Variants in THADA observed in about 807,000 individuals in gnomAD.
THADA encodes the protein tRNA (32-2'-O)-methyltransferase regulator THADA.
A neutral mutation model predicts 219.8 loss-of-function variants in THADA; 213 were observed. The ratio of observed to expected loss-of-function variants is 0.97; its 90% CI spans 0.87 to 1.09. The LOEUF (loss-of-function observed/expected upper bound fraction) is 1.09, where lower values mean the gene tolerates loss of function less well. Among genes scored for constraint, THADA ranks in the 50% least tolerant of loss-of-function variants. The pLI, the probability that THADA is intolerant of heterozygous loss-of-function variation, is 0.00. For synonymous variants in THADA, 1,018 were observed against 828.9 expected, an observed-to-expected ratio of 1.23 and a Z score of -3.92; for missense variants, 2,956 against 2,311.3, an observed-to-expected ratio of 1.28 and a Z score of -5.72.
At chr2:43,334,648 G>A (rs1398125579) in intron 30 of THADA, among the ~76,000 whole-genome samples, 6 of 151,990 alleles carry the variant, frequency 3.9e-5, no homozygotes, top group Admixed American at 6.6e-5. Context: ...GGTGGCGGGC[G>A]CCTGTAGTCC....
intron 28 of THADA, among the ~76,000 whole-genome samples, chr2:43,424,670 T>C (rs1354266395): frequency 2.0e-5 from 3 of 152,230 alleles, no homozygotes; most frequent in Non-Finnish European, 4.4e-5. Context: ...AATCTGTTTA[T>C]AGTTCACCTC....
chr2:43,421,916 AC>A (rs1677768839), intron 28 of THADA, among the ~76,000 whole-genome samples: 1 of 152,198 alleles, frequency 6.6e-6, no homozygotes, highest in South Asian at 2.1e-4. Context: ...AGATCGAAGG[AC>A]CCATAAACAA....
chr2:43,446,255 A>G (rs1275135099), intron 26 of THADA, among the ~76,000 whole-genome samples: 1 of 152,274 alleles, frequency 6.6e-6, no homozygotes, highest in Non-Finnish European at 1.5e-5. Context: ...AAGATGGTCA[A>G]CAAACTTCTA....
At chr2:43,433,861 A>G (rs1396896060) in intron 26 of THADA, among the ~76,000 whole-genome samples, 2 of 151,966 alleles carry the variant, frequency 1.3e-5, no homozygotes, top group African/African-American at 4.8e-5. Context: ...CTAATTTTTC[A>G]TATTTTTAGT....
rs750776107 is a variant in THADA at position 43,428,051 on chromosome 2, G to A, written c.4058+49C>T. On this transcript the variant is annotated intron_variant, in intron 28 of 37. Coordinates refer to ENST00000405975, the MANE Select transcript of THADA (RefSeq NM_022065.5). ...AATAAGAAGAAGATAAAATATTCCC[G>A]TAAAACTCCCACGCCAACCTAGACA... is the stretch of plus-strand genomic sequence containing the variant. 148 of 1,411,506 alleles carry A rather than the reference G, an allele frequency of 1.0e-4. 1 individual carries two copies. The South Asian group carries it at 1.3e-3, about 13-fold the overall frequency. 87.4% of individuals were successfully genotyped at this position (1,411,506 alleles called of 1,614,324 possible). A position where few individuals can be genotyped will look rare whatever the true frequency, so the allele number is the denominator to read the frequency against.
chr2:43,332,434 T>C (rs975344650), intron 30 of THADA, among the ~76,000 whole-genome samples: 1 of 152,262 alleles, frequency 6.6e-6, no homozygotes, highest in Non-Finnish European at 1.5e-5. Flanking sequence ...AATCCATACT[T>C]GTCTTACTTG....
chr2:43,467,006 C>A (rs1684321472), intron 26 of THADA, among the ~76,000 whole-genome samples: 1 of 151,546 alleles, frequency 6.6e-6, no homozygotes, highest in South Asian at 2.1e-4. Flanking sequence ...CACGGTGAAA[C>A]CCCGTCTCTA....
intron 28 of THADA, among the ~76,000 whole-genome samples, chr2:43,414,261 T>C (rs757355595): frequency 9.2e-5 from 14 of 152,228 alleles, no homozygotes; most frequent in Non-Finnish European, 1.8e-4. Context: ...AATTTACCAT[T>C]TTAACCATTT....
At chr2:43,535,759 T>C (rs560348120) in intron 21 of THADA, among the ~76,000 whole-genome samples, 2 of 151,998 alleles carry the variant, frequency 1.3e-5, no homozygotes, top group South Asian at 2.1e-4. Context: ...AGTAGTTTTA[T>C]AGTAGTCTTT....
At chr2:43,548,277 T>TG (rs1696308268) in intron 20 of THADA, among the ~76,000 whole-genome samples, 1 of 152,290 alleles carries the variant, frequency 6.6e-6, no homozygotes, top group South Asian at 2.1e-4. Context: ...CTGCCCCTAC[T>TG]GGGGGGTGCC....
chr2:43,381,402 C>G (rs1672012639), intron 29 of THADA, among the ~76,000 whole-genome samples: 2 of 152,096 alleles, frequency 1.3e-5, no homozygotes, highest in South Asian at 4.1e-4. Context: ...CACCCAGCCT[C>G]AGGAGGTGAA....
Position 43,456,030 on chromosome 2 carries a change from T to C in THADA, c.3837-25728A>G, listed in dbSNP as rs147823829. ...TTGCCAAAAGACTACGCTACAGTGC[T>C]ATTTAACCTTTCCCAACAGAGACTC... On this transcript the variant is annotated intron_variant, in intron 26 of 37. Coordinates refer to ENST00000405975, the MANE Select transcript of THADA (RefSeq NM_022065.5). Among the ~76,000 whole-genome samples, 201 of 152,240 alleles carry C rather than the reference T, an allele frequency of 1.3e-3. 4 individuals carry two copies. In the East Asian group the frequency reaches 0.033, roughly 25 times the overall value.
intron 25 of THADA, among the ~76,000 whole-genome samples, chr2:43,494,987 A>C (rs1449866259): frequency 7.2e-5 from 11 of 152,242 alleles, no homozygotes; most frequent in Non-Finnish European, 1.6e-4. Flanking sequence ...ACTTATCAGG[A>C]AAAACAATCA....
At chr2:43,485,881 AT>A (rs1316861404) in intron 25 of THADA, among the ~76,000 whole-genome samples, 1 of 151,552 alleles carries the variant, frequency 6.6e-6, no homozygotes, top group African/African-American at 2.4e-5. Context: ...AAAAAAAAGT[AT>A]TTTTTTAGAG....
intron 31 of THADA, among the ~76,000 whole-genome samples, chr2:43,306,396 C>T (rs936584550): frequency 5.9e-5 from 9 of 152,194 alleles, no homozygotes; most frequent in African/African-American, 2.2e-4. Context: ...TTAATTTAAA[C>T]TCTAACTCAC....
At chr2:43,485,394 A>C in intron 25 of THADA, 69 bp from the exon 26 acceptor site, 1 of 1,089,510 alleles carries the variant, frequency 9.2e-7, no homozygotes, top group South Asian at 1.3e-5. Context: ...TACAATGTTC[A>C]AACTAGATAA....
chr2:43,442,678 G>T (rs910521844), intron 26 of THADA, among the ~76,000 whole-genome samples: 2 of 152,072 alleles, frequency 1.3e-5, no homozygotes, highest in African/African-American at 2.4e-5. Flanking sequence ...TTTCTGAACA[G>T]GAGAGATATG....
At chr2:43,524,811 G>A (rs1052108461) in intron 22 of THADA, among the ~76,000 whole-genome samples, 2 of 152,078 alleles carry the variant, frequency 1.3e-5, no homozygotes, top group African/African-American at 2.4e-5. Flanking sequence ...AGATTAGGAG[G>A]GGCTAAGATA....
chr2:43,351,421 C>T (rs895366322), intron 29 of THADA, among the ~76,000 whole-genome samples: 1 of 152,186 alleles, frequency 6.6e-6, no homozygotes, highest in Non-Finnish European at 1.5e-5. Context: ...ACTCCACCTA[C>T]TGAAATTCCA....
Sources: allele counts gnomAD v4.1 joint callset (sites outside exome capture counted in the v4.1 genomes callset), GRCh38; gene constraint gnomAD v4.1.1; transcripts MANE v1.5; gene names NCBI Gene and HGNC (gene_info 2026-07-23, HGNC 2026-07-21).